PLCE1: variants seen among roughly 807,000 people sequenced by gnomAD.
PLCE1 encodes 1-phosphatidylinositol 4,5-bisphosphate phosphodiesterase epsilon-1.
PLCE1 carries 119 observed loss-of-function variants against 242.8 expected under a neutral mutation model. That is an observed-to-expected ratio of 0.49 (90% CI 0.42 to 0.57). The LOEUF is 0.57. Among genes scored for constraint, PLCE1 ranks in the 20% least tolerant of loss-of-function variants. The pLI is 0.00. For synonymous variants in PLCE1, 945 were observed against 1,017.4 expected, an observed-to-expected ratio of 0.93 and a Z score of 1.35; for missense variants, 2,441 against 2,788.8, an observed-to-expected ratio of 0.88 and a Z score of 2.81.
At chr10:94,216,938 G>C (rs189026815) in intron 4 of PLCE1, among the ~76,000 whole-genome samples, 34 of 150,940 alleles carry the variant, frequency 2.3e-4, no homozygotes, top group Non-Finnish European at 4.4e-4. Flanking sequence ...AAATTTAAAG[G>C]CCTGTGCTTT....
At chr10:94,017,521 C>CA (rs1406890958) in intron 1 of PLCE1, among the ~76,000 whole-genome samples, 1 of 152,080 alleles carries the variant, frequency 6.6e-6, no homozygotes, top group African/African-American at 2.4e-5. Flanking sequence ...CTTGGGCATC[C>CA]ACCCAGAATT....
chr10:94,254,039 C>T (rs1156435627), intron 9 of PLCE1, 151 bp from the exon 10 acceptor site: 1 of 731,334 alleles, frequency 1.4e-6, no homozygotes, highest in Non-Finnish European at 2.5e-6. Context: ...CATGAGAATA[C>T]TCGGTCAGCC....
At chr10:94,202,051 T>G (rs977436858) in intron 4 of PLCE1, among the ~76,000 whole-genome samples, 1 of 152,142 alleles carries the variant, frequency 6.6e-6, no homozygotes, top group Admixed American at 6.6e-5. Context: ...GTTTTAGGGG[T>G]TTTTGTGTGT....
intron 1 of PLCE1, among the ~76,000 whole-genome samples, chr10:94,017,469 C>T (rs1260804222): frequency 6.6e-6 from 1 of 152,136 alleles, no homozygotes; most frequent in Non-Finnish European, 1.5e-5. Context: ...CTATCCAAAA[C>T]AAGCTATTAG....
chr10:94,212,259 G>A (rs1303405221), intron 4 of PLCE1, among the ~76,000 whole-genome samples: 2 of 151,872 alleles, frequency 1.3e-5, no homozygotes, highest in Non-Finnish European at 2.9e-5. Context: ...GCTAATTTTT[G>A]TGTTTTTCTT....
chr10:94,125,411 G>A (rs780816278), intron 2 of PLCE1, among the ~76,000 whole-genome samples: 15 of 146,940 alleles, frequency 1.0e-4, no homozygotes, highest in Non-Finnish European at 2.2e-4. Flanking sequence ...TTTTTTTTTT[G>A]AGACAGAGTC....
intron 2 of PLCE1, among the ~76,000 whole-genome samples, chr10:94,043,709 C>G (rs753958853): frequency 2.6e-5 from 4 of 152,190 alleles, no homozygotes; most frequent in Non-Finnish European, 5.9e-5. Flanking sequence ...CATTATTTGT[C>G]TCTTTAATGA....
At chr10:94,100,150 A>G (rs2045472219) in intron 2 of PLCE1, 1 of 152,198 alleles carries the variant, frequency 6.6e-6, no homozygotes, top group Non-Finnish European at 1.5e-5. Flanking sequence ...ACTTTATGAT[A>G]TAGGCTATCC....
intron 2 of PLCE1, among the ~76,000 whole-genome samples, chr10:94,039,075 C>A (rs1401628607): frequency 6.6e-6 from 1 of 152,192 alleles, no homozygotes. Flanking sequence ...AATATTCATA[C>A]TTTTCACTGC....
rs1372872177 is a variant in PLCE1, at chr10:94,236,121, G to A, written c.2420+1G>A. On this transcript the variant is annotated splice_donor_variant, in intron 7 of 32. Transcript: ENST00000371380. LOFTEE classifies it high-confidence loss of function. ...CCTTGAAGGATAAAAGCCGATGGCA[G>A]TAAGTTTTACACGTTAAAAGTGAGG... is the stretch of plus-strand genomic sequence containing the variant. 1 of 1,612,086 alleles carries A rather than the reference G, an allele frequency of 6.2e-7. No individual in the cohort carries two copies. The highest frequency in any genetic ancestry group is 8.5e-7 in the Non-Finnish European group (1 of 1,178,710).
At chr10:94,247,093 C>T (rs2050710408) in intron 8 of PLCE1, among the ~76,000 whole-genome samples, 2 of 123,866 alleles carry the variant, frequency 1.6e-5, no homozygotes, top group Non-Finnish European at 3.2e-5. Flanking sequence ...GCCTGGGCAA[C>T]AGAGCAAGAC....
chr10:94,299,142 G>C (rs1465213843), intron 24 of PLCE1, among the ~76,000 whole-genome samples: 1 of 152,182 alleles, frequency 6.6e-6, no homozygotes, highest in East Asian at 1.9e-4. Context: ...TGCCCGAAGA[G>C]TAGCTAGCAA....
chr10:94,182,218 G>A (rs561138706), intron 4 of PLCE1, among the ~76,000 whole-genome samples: 3 of 151,496 alleles, frequency 2.0e-5, no homozygotes, highest in African/African-American at 4.9e-5. Context: ...ATTGTTCCAC[G>A]TACATTTAAA....
In PLCE1 at chr10:94,246,328, G is replaced by A. The variant is rs2050677555; in HGVS notation, c.2803G>A (p.Val935Ile). ...TGGATTAAGTAGCCTGACGGAAGGG[G>A]TCTTGGATCTTTTTGCAGTGAAGGC... ...NAGLSSLTEGVLDLFAVKAVY... is the reference protein window; with the variant it reads ...NAGLSSLTEGILDLFAVKAVY... The change falls in exon 8 of 33, where the codon GTC becomes ATC. Residue 935 changes from valine (V) to isoleucine (I), a missense_variant. Physicochemically the swap from Val to Ile is conservative, Grantham distance 29. This residue lies in a region of PLCE1 where 733 missense variants were observed against 754.2 expected (regional missense o/e 0.97). Transcript: ENST00000371380. The A allele has an allele frequency of 1.9e-6, 3 of 1,614,048 alleles. No homozygotes were observed. Among genetic ancestry groups the A allele is most frequent in the Admixed American group, 1.7e-5 (1 of 60,004 alleles).
At chr10:94,147,993 T>C (rs1368946907) in intron 3 of PLCE1, among the ~76,000 whole-genome samples, 1 of 151,852 alleles carries the variant, frequency 6.6e-6, no homozygotes, top group African/African-American at 2.4e-5. Flanking sequence ...AAGGCAAAAA[T>C]TGGTGATTAA....
At chr10:94,234,587 A>G (rs2050254559) in intron 6 of PLCE1, among the ~76,000 whole-genome samples, 1 of 152,192 alleles carries the variant, frequency 6.6e-6, no homozygotes, top group African/African-American at 2.4e-5. Context: ...GATGGTTTTT[A>G]AAGATTGACA....
chr10:94,282,605 G>A lies in PLCE1; in HGVS notation c.4796-1185G>A, dbSNP rs561476558. On this transcript the variant is annotated intron_variant, in intron 20 of 32. Coordinates refer to ENST00000371380, the MANE Select transcript of PLCE1 (RefSeq NM_016341.4). Reference sequence around the variant, plus strand: ...TTCACATTAATAATGTTTACATTTCGTTTACTGCTAGTCCTTGCATTGTTC... The same window carrying A: ...TTCACATTAATAATGTTTACATTTCATTTACTGCTAGTCCTTGCATTGTTC... 2.2e-4 allele frequency among the ~76,000 whole-genome samples: 33 copies of A among 152,222 alleles called. 1 individual carries two copies. The South Asian group carries it at 5.2e-3, about 24-fold the overall frequency.
rs111953134 is a variant in PLCE1, at chr10:93,999,072, T to G, written c.-365+4814T>G. Among the ~76,000 whole-genome samples the G allele has an allele frequency of 1.3e-3, 200 of 152,296 alleles. 2 individuals are homozygous for G. Among genetic ancestry groups the G allele is most frequent in the African/African-American group, 4.5e-3 (187 of 41,576 alleles). On this transcript the variant is annotated intron_variant, in intron 1 of 32. Transcript: ENST00000371380. ...AGAACTGTAGGGTGGCACATTGGTA[T>G]TATTTAAACTACTAAGTTTGTGGTC... is the stretch of plus-strand genomic sequence containing the variant.
At chr10:94,187,144 A>ATGTG (rs1247441669) in intron 4 of PLCE1, among the ~76,000 whole-genome samples, 8 of 125,850 alleles carry the variant, frequency 6.4e-5, no homozygotes, top group African/African-American at 1.0e-4. Flanking sequence ...GATGAAACAT[A>ATGTG]TATGTGTGTG....
Sources: allele counts gnomAD v4.1 joint callset (sites outside exome capture counted in the v4.1 genomes callset), GRCh38; gene constraint gnomAD v4.1.1; regional missense constraint gnomAD v4.1.1; transcripts MANE v1.5; gene names NCBI Gene and HGNC (gene_info 2026-07-23, HGNC 2026-07-21).